The following PPP3CA variants were observed in gnomAD, a reference collection of about 807,000 sequenced individuals.
PPP3CA encodes protein phosphatase 3 catalytic subunit alpha.
A neutral mutation model predicts 66.5 loss-of-function variants in PPP3CA; 14 were observed. That is an observed-to-expected ratio of 0.21 (90% confidence interval 0.14 to 0.33). The LOEUF is 0.33. PPP3CA is among the 10% of genes least tolerant of loss of function. The pLI, the probability that PPP3CA is intolerant of heterozygous loss-of-function variation, is 1.00. For synonymous variants in PPP3CA, 232 were observed against 226.2 expected, an observed-to-expected ratio of 1.03 and a Z score of -0.23; for missense variants, 317 against 639.5, an observed-to-expected ratio of 0.50 and a Z score of 5.44.
At chr4:101,340,074 G>A (rs925699191) in intron 1 of PPP3CA, among the ~76,000 whole-genome samples, 5 of 152,026 alleles carry the variant, frequency 3.3e-5, no homozygotes, top group Non-Finnish European at 7.4e-5. Flanking sequence ...TCATTCTTCC[G>A]GTTTCACAGT....
intron 2 of PPP3CA, among the ~76,000 whole-genome samples, chr4:101,151,209 T>C (rs1270163534): frequency 6.6e-6 from 1 of 152,182 alleles, no homozygotes; most frequent in Non-Finnish European, 1.5e-5. Flanking sequence ...TAATCAATGT[T>C]CTGGCCAAAT....
chr4:101,115,949 A>C (rs67427172), intron 2 of PPP3CA, among the ~76,000 whole-genome samples: 39,343 of 151,828 alleles, frequency 0.26, 5,283 homozygotes, highest in African/African-American at 0.28. Flanking sequence ...GTGAAACAAT[A>C]AATTTACAAA....
chr4:101,090,994 T>C lies in PPP3CA; in HGVS notation c.782+2782A>G, dbSNP rs1171883141. Among the ~76,000 whole-genome samples, 3 of 150,576 alleles carry C rather than the reference T, an allele frequency of 2.0e-5. No individual in the cohort carries two copies. In the East Asian group the frequency reaches 5.8e-4, roughly 29 times the overall value. ...TATTATAATATACACACATAATATATACACATCTGTGTCTAATGCCATAAT... is the reference window on the plus strand; with the variant it reads ...TATTATAATATACACACATAATATACACACATCTGTGTCTAATGCCATAAT... On this transcript the variant is annotated intron_variant, in intron 6 of 13. Transcript: ENST00000394854.
chr4:101,292,745 T>C (rs1331111453), intron 1 of PPP3CA, among the ~76,000 whole-genome samples: 2 of 152,054 alleles, frequency 1.3e-5, no homozygotes, highest in African/African-American at 4.8e-5. Flanking sequence ...AAACAACAAT[T>C]AACCAAAAAA....
At chr4:101,324,119 AAAGAAAGGAAGGGAAGGAAGGG>A (rs1729124324) in intron 1 of PPP3CA, among the ~76,000 whole-genome samples, 1 of 144,692 alleles carries the variant, frequency 6.9e-6, no homozygotes, top group African/African-American at 2.8e-5. Context: ...AAAGAAAAGA[AAAGAAAGGAAGGGAAGGAAGGG>A]AAGGAAGGGA....
At chr4:101,186,401 A>ATT (rs1262564091) in intron 2 of PPP3CA, among the ~76,000 whole-genome samples, 5 of 152,128 alleles carry the variant, frequency 3.3e-5, no homozygotes, top group African/African-American at 1.2e-4. Flanking sequence ...GAACTGTTAA[A>ATT]AAGTCAATTA....
At chr4:101,121,807 C>T (rs1281615153) in intron 2 of PPP3CA, among the ~76,000 whole-genome samples, 1 of 151,990 alleles carries the variant, frequency 6.6e-6, no homozygotes, top group African/African-American at 2.4e-5. Flanking sequence ...ATAGAGTATG[C>T]TTGGGATATA....
At chr4:101,199,826 G>T (rs905292791) in intron 1 of PPP3CA, among the ~76,000 whole-genome samples, 1 of 152,098 alleles carries the variant, frequency 6.6e-6, no homozygotes, top group African/African-American at 2.4e-5. Context: ...TATCTGATAC[G>T]GAGAAAGGTT....
chr4:101,338,426 G>C (rs369221728), intron 1 of PPP3CA, among the ~76,000 whole-genome samples: 1 of 152,192 alleles, frequency 6.6e-6, no homozygotes, highest in Non-Finnish European at 1.5e-5. Context: ...CCATAATTTA[G>C]AAATTTAAAT....
At chr4:101,087,902 G>A (rs1281765841) in intron 6 of PPP3CA, among the ~76,000 whole-genome samples, 1 of 152,058 alleles carries the variant, frequency 6.6e-6, no homozygotes, top group African/African-American at 2.4e-5. Context: ...GTAAGATCAG[G>A]TGACCTTCTC....
rs184311460 is a variant in PPP3CA, at chr4:101,193,281, T to C, written c.259+2635A>G. On this transcript the variant is annotated intron_variant, in intron 2 of 13. Transcript: ENST00000394854. ...GGATCACCAAAATGTGTTGCCTCACTGATTTGGGGCCACAGTTTTTCAACG... is the reference window on the plus strand; with the variant it reads ...GGATCACCAAAATGTGTTGCCTCACCGATTTGGGGCCACAGTTTTTCAACG... 3.2e-3 allele frequency among the ~76,000 whole-genome samples: 481 copies of C among 152,352 alleles called. 6 individuals carry two copies. The highest frequency in any genetic ancestry group is 0.011 in the African/African-American group (437 of 41,582).
In PPP3CA at chr4:101,106,425, GAAAGAAAGAAAGAAAGAAAGA is replaced by G; in HGVS notation, c.384+2508_384+2528del. 4.6e-4 allele frequency among the ~76,000 whole-genome samples: 5 copies of G among 10,764 alleles called. 2 individuals are homozygous for G. The highest frequency in any genetic ancestry group is 1.4e-3 in the African/African-American group (5 of 3,470). 7.1% of individuals were successfully genotyped at this position (10,764 alleles called of 152,430 possible). A position where few individuals can be genotyped will look rare whatever the true frequency, so the allele number is the denominator to read the frequency against. ...AGAAAGAAAGAAAGAAAGAAAGAAA[GAAAGAAAGAAAGAAAGAAAGA>G]AAGAAAGAGAAAAGAAAAGAAAAGA... On this transcript the variant is annotated intron_variant, in intron 3 of 13. Transcript: ENST00000394854.
At position 101,132,733 on chromosome 4, in the gene PPP3CA, T is replaced by C. The variant is rs192387941; in HGVS notation, c.260-23655A>G. ...CAAACAAGAGAAAAAGAGGGACTCC[T>C]CCCTATCTCATCTTATGAGGCCAGC... On this transcript the variant is annotated intron_variant, in intron 2 of 13. Coordinates refer to ENST00000394854, the MANE Select transcript of PPP3CA (RefSeq NM_000944.5). Among the ~76,000 whole-genome samples the C allele has an allele frequency of 3.8e-4, 58 of 152,218 alleles. No individual in the cohort carries two copies. In the East Asian group the frequency reaches 0.011, roughly 29 times the overall value.
At chr4:101,167,435 C>G (rs1281131724) in intron 2 of PPP3CA, among the ~76,000 whole-genome samples, 1 of 152,028 alleles carries the variant, frequency 6.6e-6, no homozygotes, top group African/African-American at 2.4e-5. Flanking sequence ...AATATGTGTA[C>G]AAGTATTTAC....
intron 1 of PPP3CA, among the ~76,000 whole-genome samples, chr4:101,258,083 G>A (rs1047569320): frequency 6.6e-6 from 1 of 151,998 alleles, no homozygotes; most frequent in African/African-American, 2.4e-5. Flanking sequence ...TCCAGTAGTA[G>A]TAAAGCATCC....
At chr4:101,196,207 A>G in intron 1 of PPP3CA, 91 bp from the exon 2 acceptor site, 1 of 1,138,202 alleles carries the variant, frequency 8.8e-7, no homozygotes, top group Non-Finnish European at 1.2e-6. Context: ...CTCATCACAA[A>G]CCAACTAATA....
chr4:101,063,062 T>G (rs931513062), intron 9 of PPP3CA, among the ~76,000 whole-genome samples, 170 bp downstream of exon 9: 3 of 151,878 alleles, frequency 2.0e-5, no homozygotes, highest in Non-Finnish European at 4.4e-5. Context: ...AATTGTGTCC[T>G]GTTAATAGGA....
In PPP3CA at chr4:101,347,456, T is replaced by G. The variant is rs946289397; in HGVS notation, c.-660A>C. On this transcript the variant is annotated 5_prime_UTR_variant, in exon 1 of 14. Coordinates refer to ENST00000394854, the MANE Select transcript of PPP3CA (RefSeq NM_000944.5). ...GCGATCGCCCGCGCTCGCCTCTGCC[T>G]CCCCGCGCCGCTCCTCCACTCACCA... 2 of 164,248 alleles carry G rather than the reference T, an allele frequency of 1.2e-5. No individual in the cohort carries two copies. The highest frequency in any genetic ancestry group is 4.9e-5 in the African/African-American group (2 of 40,726). 10.2% of individuals were successfully genotyped at this position (164,248 alleles called of 1,614,324 possible).
chr4:101,072,326 A>G (rs1222868814), intron 8 of PPP3CA, among the ~76,000 whole-genome samples: 1 of 152,198 alleles, frequency 6.6e-6, no homozygotes, highest in African/African-American at 2.4e-5. Flanking sequence ...TGAAGGGTGG[A>G]TTAGTGGATC....
Sources: gnomAD v4.1 joint callset for allele counts (sites outside exome capture counted in the v4.1 genomes callset) on GRCh38, gnomAD v4.1.1 for gene constraint, MANE v1.5 for transcripts, NCBI Gene and HGNC (gene_info 2026-07-23, HGNC 2026-07-21) for gene names.